The following IL17RD variants were observed in gnomAD, a reference collection of about 807,000 sequenced individuals.
The protein encoded by IL17RD is interleukin-17 receptor D.
A neutral mutation model predicts 80.5 loss-of-function variants in IL17RD; 52 were observed. The ratio of observed to expected loss-of-function variants is 0.65; its 90% CI spans 0.52 to 0.81. The LOEUF is 0.81. IL17RD is among the 40% of genes least tolerant of loss of function. IL17RD has a pLI of 0.00. For synonymous variants in IL17RD, 416 were observed against 391.8 expected (o/e 1.06, Z -0.73); for missense variants, 1,024 against 955.1 (o/e 1.07, Z -0.95).
At chr3:57,121,812 C>T (rs1427340644) in intron 1 of IL17RD, among the ~76,000 whole-genome samples, 3 of 152,272 alleles carry the variant, frequency 2.0e-5, no homozygotes, top group South Asian at 4.1e-4. Flanking sequence ...AGGAACGAGA[C>T]AATCCAATCC....
intron 1 of IL17RD, among the ~76,000 whole-genome samples, chr3:57,124,313 G>A (rs1707402800): frequency 6.6e-6 from 1 of 152,166 alleles, no homozygotes; most frequent in Admixed American, 6.5e-5. Context: ...CTGTGAGTAT[G>A]CTATTTTACA....
At chr3:57,151,558 G>C (rs901031667) in intron 1 of IL17RD, among the ~76,000 whole-genome samples, 1 of 152,170 alleles carries the variant, frequency 6.6e-6, no homozygotes, top group Admixed American at 6.5e-5. Context: ...AAGCTCAAAA[G>C]TGTTATGAGG....
chr3:57,107,680 G>C (rs1207129924), intron 5 of IL17RD, among the ~76,000 whole-genome samples: 1 of 152,212 alleles, frequency 6.6e-6, no homozygotes, highest in African/African-American at 2.4e-5. Context: ...GAGATAACCT[G>C]TACAGAACAG....
chr3:57,109,634 C>T lies in IL17RD; in HGVS notation c.453G>A (p.Leu151=), dbSNP rs1238265275. The T allele has an allele frequency of 1.9e-6, 3 of 1,613,282 alleles. No individual in the cohort carries two copies. The highest frequency in any genetic ancestry group is 2.5e-6 in the Non-Finnish European group (3 of 1,179,546). The part of the protein sequence containing the change: ...KRTGMESQPF[L]NMKFETDYFV... ...AATAATCCGTTTCAAATTTCATATT[C>T]AGGAAAGGTTGAGATTCCATTCCCT... The change falls in exon 5 of 13, where the codon CTG becomes CTA. Residue 151 remains leucine, a synonymous_variant. Transcript: ENST00000296318.
intron 1 of IL17RD, among the ~76,000 whole-genome samples, chr3:57,154,299 C>CACAT (rs1215572578): frequency 6.7e-6 from 1 of 148,810 alleles, no homozygotes; most frequent in Non-Finnish European, 1.5e-5. Context: ...CACACACACA[C>CACAT]ACATACATAC....
chr3:57,106,752 C>G (rs1174554723), intron 5 of IL17RD, among the ~76,000 whole-genome samples: 1 of 152,150 alleles, frequency 6.6e-6, no homozygotes, highest in Non-Finnish European at 1.5e-5. Flanking sequence ...TGAGAGAGGC[C>G]AAACAGCTAG....
chr3:57,148,076 G>A (rs927734546), intron 1 of IL17RD, among the ~76,000 whole-genome samples: 3 of 138,026 alleles, frequency 2.2e-5, no homozygotes, highest in Non-Finnish European at 3.1e-5. Context: ...CAGCACTTTG[G>A]GAGGCCAAGG....
rs1559468455 is a variant in IL17RD at position 57,105,551 on chromosome 3, A to AT, written c.747+305_747+306insA. Among the ~76,000 whole-genome samples the AT allele has an allele frequency of 3.3e-3, 370 of 110,754 alleles. 6 individuals carry two copies. Among genetic ancestry groups the AT allele is most frequent in the African/African-American group, 0.011 (248 of 21,946 alleles). 72.7% of individuals were successfully genotyped at this position (110,754 alleles called of 152,430 possible). On this transcript the variant is annotated intron_variant, in intron 7 of 12. Coordinates refer to ENST00000296318, the MANE Select transcript of IL17RD (RefSeq NM_017563.5). ...GACTCCATCTCAAAAAAAAAAAAAA[A>AT]AATATATATATATATATATTTGTTC...
rs1034712032 is a variant in IL17RD at position 57,093,145 on chromosome 3, T to C, written c.*3248A>G. 1 of 152,162 alleles carries C rather than the reference T, an allele frequency of 6.6e-6. No homozygotes were observed. Among genetic ancestry groups the C allele is most frequent in the Non-Finnish European group, 1.5e-5 (1 of 68,034 alleles). The allele number at this position is 152,162 out of a possible 1,614,324, so 9.4% of individuals were successfully genotyped here. A position where few individuals can be genotyped will look rare whatever the true frequency, so the allele number is the denominator to read the frequency against. On this transcript the variant is annotated 3_prime_UTR_variant, in exon 13 of 13. Coordinates refer to ENST00000296318, the MANE Select transcript of IL17RD (RefSeq NM_017563.5). ...CTATTGCTGACACAGACAAAGTATA[T>C]TAATTACCATTTATCATCACACTGC...
chr3:57,151,069 C>T (rs902199613), intron 1 of IL17RD, among the ~76,000 whole-genome samples: 2 of 152,228 alleles, frequency 1.3e-5, no homozygotes, highest in East Asian at 3.8e-4. Context: ...GGAGAGAATG[C>T]CTGCTTAATC....
chr3:57,146,042 C>CAT (rs1707922135), intron 1 of IL17RD, among the ~76,000 whole-genome samples: 1 of 148,374 alleles, frequency 6.7e-6, no homozygotes, highest in African/African-American at 2.4e-5. Context: ...CGCGCGCGCG[C>CAT]GCGCACACAC....
In IL17RD at chr3:57,101,203, G is replaced by A. The variant is rs1706819384; in HGVS notation, c.1140C>T (p.Phe380=). The change falls in exon 11 of 13, where the codon TTC becomes TTT. Residue 380 remains phenylalanine, a synonymous_variant. Coordinates refer to ENST00000296318, the MANE Select transcript of IL17RD (RefSeq NM_017563.5). ...CCTCACAGCCACAGAAGTCCTGGAG[G>A]AAGTAGGCGAAACACTGGACGACAT... ...HMNVVQCFAY[F]LQDFCGCEVA... The A allele has an allele frequency of 6.2e-7, 1 of 1,613,646 alleles. No homozygotes were observed. Among genetic ancestry groups the A allele is most frequent in the Non-Finnish European group, 8.5e-7 (1 of 1,179,674 alleles).
intron 9 of IL17RD, 52 bp from the exon 10 acceptor site, chr3:57,102,641 A>G (rs1196513847): frequency 9.8e-6 from 9 of 919,750 alleles, no homozygotes; most frequent in Non-Finnish European, 1.2e-5. Flanking sequence ...TAAAGGTTCA[A>G]AGAGAAACAA....
At chr3:57,121,203 A>T (rs996821935) in intron 1 of IL17RD, among the ~76,000 whole-genome samples, 7 of 152,222 alleles carry the variant, frequency 4.6e-5, no homozygotes, top group Admixed American at 4.6e-4. Flanking sequence ...CCAGCCACAC[A>T]CCTGAAGTTT....
Position 57,116,936 on chromosome 3 carries a change from C to G in IL17RD, c.185-2119G>C, listed in dbSNP as rs562420049. On this transcript the variant is annotated intron_variant, in intron 2 of 12. Coordinates refer to ENST00000296318, the MANE Select transcript of IL17RD (RefSeq NM_017563.5). ...AAGATCCTGTCATACTTGTAAAGTTCAAATATTTTGATTTATTGTGGTCCA... is the reference window on the plus strand; with the variant it reads ...AAGATCCTGTCATACTTGTAAAGTTGAAATATTTTGATTTATTGTGGTCCA... Among the ~76,000 whole-genome samples, 249 of 144,414 alleles carry G rather than the reference C, an allele frequency of 1.7e-3. 4 individuals carry two copies. The South Asian group carries it at 0.029, about 17-fold the overall frequency. The allele number at this position is 144,414 out of a possible 152,430, so 94.7% of individuals were successfully genotyped here.
upstream of IL17RD, among the ~76,000 whole-genome samples, chr3:57,168,292 C>T (rs2060356168): frequency 6.6e-6 from 1 of 152,202 alleles, no homozygotes; most frequent in Non-Finnish European, 1.5e-5. Context: ...GGCAGAGCCC[C>T]ACTCCTGCTC....
At position 57,097,635 on chromosome 3, in the gene IL17RD, A is replaced by C; in HGVS notation, c.2068T>G (p.Ser690Ala). 1 of 1,593,006 alleles carries C rather than the reference A, an allele frequency of 6.3e-7. No individual in the cohort carries two copies. The highest frequency in any genetic ancestry group is 8.5e-7 in the Non-Finnish European group (1 of 1,170,238). Residue 690 changes from serine to alanine, a missense_variant, in exon 12 of 13, where the codon TCT becomes GCT. By Grantham distance (99) the Ser-to-Ala change is moderately conservative. Coordinates refer to ENST00000296318, the MANE Select transcript of IL17RD (RefSeq NM_017563.5). ...GAGGACACGCTCTCCGTCAGGGAAG[A>C]CGTTTCTGTCTGGTCCGTCGAGAGT... ...EGLSTDQTET[S>A]SLTESVSSSS...
At position 57,098,356 on chromosome 3, in the gene IL17RD, G is replaced by A; in HGVS notation, c.1347C>T (p.Leu449=). ...GGGRGSGKGE[L]FLVAVSAIAE... is the part of the protein sequence containing the mutation. ...CAATGGCTGACACCGCCACCAGGAA[G>A]AGCTCTCCTTTCCCCGAGCCTCGGC... The change falls in exon 12 of 13, where the codon CTC becomes CTT. Residue 449 remains leucine, a synonymous_variant. Transcript: ENST00000296318. The A allele has an allele frequency of 1.2e-6, 2 of 1,614,042 alleles. No individual in the cohort carries two copies. The highest frequency in any genetic ancestry group is 1.7e-6 in the Non-Finnish European group (2 of 1,179,898).
chr3:57,098,270 ACGG>A lies in IL17RD; in HGVS notation c.1430_1432del (p.Ala477del), dbSNP rs1203138748. 6.2e-7 allele frequency: 1 copy of A among 1,613,642 alleles called. No individual in the cohort carries two copies. The highest frequency in any genetic ancestry group is 8.5e-7 in the Non-Finnish European group (1 of 1,179,856). ...TCCCTCGCAGGAATAATCAAAGTAG[ACGG>A]CGATAAACTTGCTGAGCGCCGCGGA... On this transcript the variant is annotated inframe_deletion, in exon 12 of 13. Coordinates refer to ENST00000296318, the MANE Select transcript of IL17RD (RefSeq NM_017563.5).
Sources: allele counts gnomAD v4.1 joint callset (sites outside exome capture counted in the v4.1 genomes callset), GRCh38; gene constraint gnomAD v4.1.1; transcripts MANE v1.5; gene names NCBI Gene and HGNC (gene_info 2026-07-23, HGNC 2026-07-21).